HSD17B14: variants seen among roughly 807,000 people sequenced by gnomAD.
HSD17B14 encodes the protein hydroxysteroid 17-beta dehydrogenase 14, also known as L-fucose dehydrogenase.
HSD17B14 carries 32 observed loss-of-function variants against 32.2 expected under a neutral mutation model. The observed-to-expected ratio is 0.99, with a 90% confidence interval of 0.75 to 1.33. The LOEUF (loss-of-function observed/expected upper bound fraction) is 1.33, where lower values mean the gene tolerates loss of function less well. Ranked by LOEUF, HSD17B14 falls within the 40% of genes most tolerant of loss-of-function variation. The probability of loss-of-function intolerance (pLI) is 0.00; values close to 1 mark genes in which losing one functional copy is unlikely to be tolerated. For missense variants in HSD17B14, 370 were observed against 366.5 expected (o/e 1.01, Z -0.08); for synonymous variants, 140 against 155.4 (o/e 0.90, Z 0.74).
intron 5 of HSD17B14, among the ~76,000 whole-genome samples, chr19:48,818,212 G>A (rs1220277911): frequency 6.6e-6 from 1 of 151,410 alleles, no homozygotes; most frequent in Non-Finnish European, 1.5e-5. Flanking sequence ...TCGGGAGGCT[G>A]AGGCAGGAGA....
intron 1 of HSD17B14, 81 bp from the exon 2 acceptor site, chr19:48,835,924 G>A: frequency 7.6e-7 from 1 of 1,309,016 alleles, no homozygotes. Flanking sequence ...CTGGATTGGG[G>A]CTGATCTCCC....
chr19:48,828,183 C>T lies in HSD17B14; in HGVS notation c.369+3485G>A, dbSNP rs113374796. 4.1e-3 allele frequency among the ~76,000 whole-genome samples: 619 copies of T among 152,168 alleles called. 3 individuals are homozygous for T. The highest frequency in any genetic ancestry group is 8.8e-3 in the Admixed American group (134 of 15,270). ...GCTCAACTTTTTAAAGAAAAAAGGA[C>T]GAATCAAGAGAGGCGGTGATTACAA... is the stretch of plus-strand genomic sequence containing the variant. On this transcript the variant is annotated intron_variant, in intron 5 of 8. Transcript: ENST00000263278.
At chr19:48,816,521 G>A (rs955468543) in intron 5 of HSD17B14, among the ~76,000 whole-genome samples, 1 of 152,106 alleles carries the variant, frequency 6.6e-6, no homozygotes, top group Admixed American at 6.6e-5. Flanking sequence ...AGGACTGAAG[G>A]GTTTTTGGGG....
At chr19:48,830,337 A>G (rs948701049) in intron 5 of HSD17B14, among the ~76,000 whole-genome samples, 2 of 152,098 alleles carry the variant, frequency 1.3e-5, no homozygotes, top group African/African-American at 4.8e-5. Context: ...GATAGCGCCC[A>G]ACGTCCAGCG....
chr19:48,820,276 C>T (rs980727129), intron 5 of HSD17B14, among the ~76,000 whole-genome samples: 1 of 151,916 alleles, frequency 6.6e-6, no homozygotes, highest in Non-Finnish European at 1.5e-5. Flanking sequence ...GAGTTCGAGA[C>T]CAGCCTGACC....
chr19:48,834,213 C>T, intron 3 of HSD17B14, 63 bp downstream of exon 3: 2 of 1,356,764 alleles, frequency 1.5e-6, no homozygotes, highest in Non-Finnish European at 2.1e-6. Flanking sequence ...ATGCAAATGG[C>T]TGGAGGAGAA....
intron 5 of HSD17B14, among the ~76,000 whole-genome samples, chr19:48,818,923 A>G (rs2035100975): frequency 1.3e-5 from 2 of 152,202 alleles, no homozygotes; most frequent in Non-Finnish European, 1.5e-5. Flanking sequence ...AGAGAAGAAC[A>G]GGGGCCAGAT....
rs948644813 is a variant in HSD17B14 at position 48,824,020 on chromosome 19, C to T, written c.369+7648G>A. ...CTGTAATCCCAGCACTTTGGGAGGC[C>T]GAGGCGGGCAGATCACTTGAGGTCA... On this transcript the variant is annotated intron_variant, in intron 5 of 8. Transcript: ENST00000263278. Among the ~76,000 whole-genome samples, 7 of 146,092 alleles carry T rather than the reference C, an allele frequency of 4.8e-5. No homozygotes were observed. The East Asian group carries it at 6.5e-4, about 14-fold the overall frequency.
chr19:48,834,521 GC>G lies in HSD17B14; in HGVS notation c.128-164del, dbSNP rs1568526252. Among the ~76,000 whole-genome samples, 50 of 102,904 alleles carry G rather than the reference GC, an allele frequency of 4.9e-4. 1 individual carries two copies. Among genetic ancestry groups the G allele is most frequent in the African/African-American group, 2.4e-3 (38 of 16,056 alleles). The allele number at this position is 102,904 out of a possible 152,430, so 67.5% of individuals were successfully genotyped here. On this transcript the variant is annotated intron_variant, in intron 2 of 8. Transcript: ENST00000263278. ...GGACTCCTGGGTCTGAGGAAGTAGG[GC>G]CTGGGGGCCTGGACTCCTGGGTCTG...
chr19:48,826,596 TGAG>T, intron 5 of HSD17B14, among the ~76,000 whole-genome samples: 1 of 137,960 alleles, frequency 7.2e-6, no homozygotes, highest in East Asian at 2.3e-4. Context: ...CTTCATGGGC[TGAG>T]GTGTAGGTGT....
intron 7 of HSD17B14, 40 bp from the exon 8 acceptor site, chr19:48,813,592 G>A (rs753402005): frequency 9.3e-6 from 15 of 1,612,474 alleles, no homozygotes; most frequent in Non-Finnish European, 1.2e-5. Context: ...AATCTGTCTC[G>A]AACCACTTGG....
chr19:48,818,061 T>G (rs1289775578), intron 5 of HSD17B14, among the ~76,000 whole-genome samples: 1 of 151,978 alleles, frequency 6.6e-6, no homozygotes, highest in Admixed American at 6.6e-5. Context: ...CCTGTAATCC[T>G]AGAACTTTGG....
intron 5 of HSD17B14, among the ~76,000 whole-genome samples, chr19:48,825,960 A>G (rs1429690794): frequency 6.6e-6 from 1 of 151,954 alleles, no homozygotes; most frequent in Non-Finnish European, 1.5e-5. Context: ...AGCTGGGACT[A>G]CAGGCACCCG....
chr19:48,821,012 GAT>G (rs1491555772), intron 5 of HSD17B14, among the ~76,000 whole-genome samples: 1 of 110,464 alleles, frequency 9.1e-6, no homozygotes, highest in Non-Finnish European at 1.8e-5. Flanking sequence ...AGGATGGATA[GAT>G]TTTTTTTTTT....
intron 3 of HSD17B14, among the ~76,000 whole-genome samples, chr19:48,833,747 A>G (rs1394254957): frequency 2.6e-5 from 4 of 152,088 alleles, no homozygotes; most frequent in Non-Finnish European, 5.9e-5. Context: ...AATCACTTGA[A>G]GCTGGGAGGC....
chr19:48,826,786 C>T (rs2035258646), intron 5 of HSD17B14, among the ~76,000 whole-genome samples: 1 of 151,698 alleles, frequency 6.6e-6, no homozygotes, highest in Non-Finnish European at 1.5e-5. Flanking sequence ...GGACACTGGG[C>T]CCGCCCCCAG....
At chr19:48,834,934 A>G (rs1258546055) in intron 2 of HSD17B14, among the ~76,000 whole-genome samples, 2 of 45,162 alleles carry the variant, frequency 4.4e-5, no homozygotes, top group African/African-American at 1.1e-4. Flanking sequence ...AAGGGCTGGG[A>G]GCCTGGACTC....
At chr19:48,823,712 C>A (rs1381502935) in intron 5 of HSD17B14, among the ~76,000 whole-genome samples, 3 of 150,618 alleles carry the variant, frequency 2.0e-5, no homozygotes, top group African/African-American at 4.9e-5. Flanking sequence ...TTTCAGCCCA[C>A]TGCAACCTCC....
intron 3 of HSD17B14, 42 bp downstream of exon 3, chr19:48,834,234 G>A (rs1284040146): frequency 6.7e-7 from 1 of 1,490,962 alleles, no homozygotes; most frequent in Non-Finnish European, 9.4e-7. Context: ...CAAAGAACTG[G>A]TCATTAGCGG....
Sources: gnomAD v4.1 joint callset for allele counts (sites outside exome capture counted in the v4.1 genomes callset) on GRCh38, gnomAD v4.1.1 for gene constraint, MANE v1.5 for transcripts, NCBI Gene and HGNC (gene_info 2026-07-23, HGNC 2026-07-21) for gene names.